SEMA4A: variants seen among roughly 807,000 people sequenced by gnomAD.
SEMA4A encodes semaphorin-4A.
A neutral mutation model predicts 72.5 loss-of-function variants in SEMA4A; 52 were observed. The observed-to-expected ratio is 0.72, with a 90% CI of 0.57 to 0.90. The LOEUF is 0.90. Among genes scored for constraint, SEMA4A ranks in the 40% least tolerant of loss-of-function variants. The pLI is 0.00. For missense variants in SEMA4A, 926 were observed against 959.7 expected (o/e 0.96, Z 0.46); for synonymous variants, 369 against 393.1 (o/e 0.94, Z 0.73).
At chr1:156,176,166 G>C (rs1414365890) in intron 14 of SEMA4A, among the ~76,000 whole-genome samples, 1 of 152,028 alleles carries the variant, frequency 6.6e-6, no homozygotes, top group Non-Finnish European at 1.5e-5. Context: ...TGTAGTCCCA[G>C]CTATTCGGGA....
chr1:156,175,545 T>G lies in SEMA4A; in HGVS notation c.1593-11T>G, dbSNP rs747463476. On this transcript the variant is annotated splice_polypyrimidine_tract_variant and intron_variant, in intron 13 of 14. Transcript: ENST00000368285. The stretch of plus-strand genomic sequence containing the variant: ...TTTGAAGGATAATTTTTACTTTCTC[T>G]GCTCTCTTAGGAACTCCTGGAAGCA... The G allele has an allele frequency of 1.2e-5, 19 of 1,605,684 alleles. No homozygotes were observed. The highest frequency in any genetic ancestry group is 3.4e-5 in the Admixed American group (2 of 59,678).
At chr1:156,172,319 C>T (rs946662613) in intron 10 of SEMA4A, among the ~76,000 whole-genome samples, 56 of 151,254 alleles carry the variant, frequency 3.7e-4, no homozygotes, top group African/African-American at 1.3e-3. Context: ...TTTCACCATG[C>T]TAGCCAGGCT....
In SEMA4A at chr1:156,161,044, C is replaced by CG. The variant is rs750642136; in HGVS notation, c.810+21dup. ...GAGTCTGCAAGGTCCGCGGCCTGGGCGGGGGGCGGGGCTAACTGGAGGAGA... is the reference window on the plus strand; with the variant it reads ...GAGTCTGCAAGGTCCGCGGCCTGGGCGGGGGGGCGGGGCTAACTGGAGGAGA... On this transcript the variant is annotated intron_variant, in intron 8 of 14. Transcript: ENST00000368285. The CG allele has an allele frequency of 1.4e-5, 22 of 1,585,598 alleles. No individual in the cohort carries two copies. In the East Asian group the frequency reaches 2.0e-4, roughly 15 times the overall value.
Position 156,160,902 on chromosome 1 carries a change from C to A in SEMA4A, c.686-3C>A. 1 of 1,613,738 alleles carries A rather than the reference C, an allele frequency of 6.2e-7. No homozygotes were observed. The highest frequency in any genetic ancestry group is 8.5e-7 in the Non-Finnish European group (1 of 1,179,956). ...CCTAAGCCCATCTGCCCCTCCCCCG[C>A]AGATGACGCCTCCTTTGTGGCAGCC... On this transcript the variant is annotated splice_region_variant and splice_polypyrimidine_tract_variant and intron_variant, in intron 7 of 14. Transcript: ENST00000368285.
intron 10 of SEMA4A, among the ~76,000 whole-genome samples, chr1:156,168,517 C>A (rs765882629): frequency 8.5e-5 from 13 of 152,182 alleles, no homozygotes; most frequent in Admixed American, 3.9e-4. Context: ...AGCCACCATG[C>A]CTGGCCTCTC....
upstream of SEMA4A, among the ~76,000 whole-genome samples, chr1:156,148,112 G>T (rs1652241532): frequency 6.6e-6 from 1 of 152,204 alleles, no homozygotes; most frequent in Non-Finnish European, 1.5e-5. Context: ...CAGAAAGGTA[G>T]CTCCTTCCTT....
At position 156,177,030 on chromosome 1, in the gene SEMA4A, C is replaced by T; in HGVS notation, c.*33C>T. 1 of 1,586,532 alleles carries T rather than the reference C, an allele frequency of 6.3e-7. No individual in the cohort carries two copies. ...GCACAGGCCGGGGCTGCGGTGCAGG[C>T]ACCTGGCCATGCTGGCTGGGCGGCC... On this transcript the variant is annotated 3_prime_UTR_variant, in exon 15 of 15. Coordinates refer to ENST00000368285, the MANE Select transcript of SEMA4A (RefSeq NM_022367.4).
rs994246788 is a variant in SEMA4A, at chr1:156,159,063, T to C, written c.568+239T>C. The C allele has an allele frequency of 5.3e-5, 28 of 525,306 alleles. No individual in the cohort carries two copies. The East Asian group carries it at 9.3e-4, about 17-fold the overall frequency. 32.5% of individuals were successfully genotyped at this position (525,306 alleles called of 1,614,324 possible). ...AAAAAAAAAAAGCCTCAGTGCCTCA[T>C]GCCTGTAATCCTAGCAGTCTAGCAG... On this transcript the variant is annotated intron_variant, in intron 6 of 14. Coordinates refer to ENST00000368285, the MANE Select transcript of SEMA4A (RefSeq NM_022367.4).
At chr1:156,148,757 C>A (rs542972181), upstream of SEMA4A, among the ~76,000 whole-genome samples, 70 of 152,096 alleles carry the variant, frequency 4.6e-4, no homozygotes, top group African/African-American at 1.7e-3. Flanking sequence ...TAGTCCCCTG[C>A]CAGCTGACAG....
chr1:156,147,911 T>C (rs1424716804), upstream of SEMA4A, among the ~76,000 whole-genome samples: 2 of 152,196 alleles, frequency 1.3e-5, no homozygotes, highest in Non-Finnish European at 2.9e-5. Context: ...TCCAGCGAGT[T>C]TCTAACTGTG....
Position 156,160,893 on chromosome 1 carries a change from C to G in SEMA4A, c.686-12C>G. ...GGCTCAGTCCCTAAGCCCATCTGCCCCTCCCCCGCAGATGACGCCTCCTTT... is the reference window on the plus strand; with the variant it reads ...GGCTCAGTCCCTAAGCCCATCTGCCGCTCCCCCGCAGATGACGCCTCCTTT... On this transcript the variant is annotated splice_polypyrimidine_tract_variant and intron_variant, in intron 7 of 14. Coordinates refer to ENST00000368285, the MANE Select transcript of SEMA4A (RefSeq NM_022367.4). 1 of 1,613,576 alleles carries G rather than the reference C, an allele frequency of 6.2e-7. No individual in the cohort carries two copies. The highest frequency in any genetic ancestry group is 8.5e-7 in the Non-Finnish European group (1 of 1,179,920).
rs780237421 is a variant in SEMA4A at position 156,174,881 on chromosome 1, G to A, written c.1375G>A (p.Glu459Lys). The stretch of plus-strand genomic sequence containing the variant: ...GGACAGCAGTGCTCATCTGGTGGAA[G>A]AGATTCAGCTGTTCCCTGACCCTGA... The part of the protein sequence containing the change: ...SGDSSAHLVE[E>K]IQLFPDPEPV... The change falls in exon 12 of 15, where the codon GAG (glutamate) becomes AAG (lysine). Residue 459 changes from glutamate to lysine, a missense_variant. Physicochemically the swap from Glu to Lys is moderately conservative, Grantham distance 56. Coordinates refer to ENST00000368285, the MANE Select transcript of SEMA4A (RefSeq NM_022367.4). The A allele has an allele frequency of 1.2e-6, 2 of 1,614,208 alleles. No individual in the cohort carries two copies. Among genetic ancestry groups the A allele is most frequent in the Non-Finnish European group, 1.7e-6 (2 of 1,180,014 alleles).
intron 3 of SEMA4A, 69 bp downstream of exon 3, chr1:156,156,643 G>T: frequency 6.6e-7 from 1 of 1,516,322 alleles, no homozygotes; most frequent in Non-Finnish European, 9.1e-7. Flanking sequence ...CCTGGGCTTG[G>T]CTGCCTGTGC....
intron 10 of SEMA4A, among the ~76,000 whole-genome samples, chr1:156,165,555 G>A (rs1221008908): frequency 6.6e-6 from 1 of 152,108 alleles, no homozygotes; most frequent in Admixed American, 6.6e-5. Context: ...TGAAGGCCTT[G>A]CTCTATTATC....
Position 156,165,079 on chromosome 1 carries a change from G to C in SEMA4A, c.1134+1985G>C, listed in dbSNP as rs139981288. Among the ~76,000 whole-genome samples, 103 of 152,230 alleles carry C rather than the reference G, an allele frequency of 6.8e-4. 1 individual carries two copies. The highest frequency in any genetic ancestry group is 8.8e-4 in the Non-Finnish European group (60 of 68,000). The stretch of plus-strand genomic sequence containing the variant: ...ACCTCCCAAAGCGCTAGGATTACAG[G>C]CATGAGGCACTGTGCCTGGTCTAAG... On this transcript the variant is annotated intron_variant, in intron 10 of 14. Coordinates refer to ENST00000368285, the MANE Select transcript of SEMA4A (RefSeq NM_022367.4).
chr1:156,175,315 C>T, intron 13 of SEMA4A, 72 bp downstream of exon 13: 2 of 1,509,480 alleles, frequency 1.3e-6, no homozygotes, highest in East Asian at 2.3e-5. Flanking sequence ...TGCTACTGTT[C>T]TTCCTCTCTC....
rs762080029 is a variant in SEMA4A, at chr1:156,174,908, C to T, written c.1402C>T (p.Pro468Ser). ...GATTCAGCTGTTCCCTGACCCTGAA[C>T]CTGTTCGCAACCTGCAGCTGGCCCC... ...EEIQLFPDPE[P>S]VRNLQLAPTQ... The change falls in exon 12 of 15, where the codon CCT becomes TCT. Residue 468 changes from proline (P) to serine (S), a missense_variant. Pro to Ser is a moderately conservative substitution (Grantham distance 74). Transcript: ENST00000368285. 3.1e-6 allele frequency: 5 copies of T among 1,614,208 alleles called. No individual in the cohort carries two copies. Among genetic ancestry groups the T allele is most frequent in the South Asian group, 1.1e-5 (1 of 91,086 alleles).
Position 156,161,338 on chromosome 1 carries a change from G to T in SEMA4A, c.811-8G>T. 1 of 1,247,452 alleles carries T rather than the reference G, an allele frequency of 8.0e-7. No homozygotes were observed. Among genetic ancestry groups the T allele is most frequent in the Non-Finnish European group, 1.1e-6 (1 of 912,156 alleles). 77.3% of individuals were successfully genotyped at this position (1,247,452 alleles called of 1,614,324 possible). A position where few individuals can be genotyped will look rare whatever the true frequency, so the allele number is the denominator to read the frequency against. On this transcript the variant is annotated splice_polypyrimidine_tract_variant and splice_region_variant and intron_variant, in intron 8 of 14. Coordinates refer to ENST00000368285, the MANE Select transcript of SEMA4A (RefSeq NM_022367.4). ...CGGGGCGCCCCCTGACTCCCCCTGTGCCCCCAGAATGACGTGGGCGGCGAA... is the reference window on the plus strand; with the variant it reads ...CGGGGCGCCCCCTGACTCCCCCTGTTCCCCCAGAATGACGTGGGCGGCGAA...
At position 156,157,721 on chromosome 1, in the gene SEMA4A, A is replaced by T. The variant is rs1653172849; in HGVS notation, c.301-349A>T. Among the ~76,000 whole-genome samples the T allele has an allele frequency of 6.6e-6, 1 of 152,214 alleles. No homozygotes were observed. Among genetic ancestry groups the T allele is most frequent in the Non-Finnish European group, 1.5e-5 (1 of 68,028 alleles). ...AATGTGCGGTTTGACAACTGCTGCC[A>T]TATATACCATTCATCGTGTTAGGTG... On this transcript the variant is annotated intron_variant, in intron 3 of 14. Transcript: ENST00000368285. The surrounding 1 kb of genome is among the most constrained non-coding windows in gnomAD (Gnocchi z 4.5).
Sources: allele counts gnomAD v4.1 joint callset (sites outside exome capture counted in the v4.1 genomes callset), GRCh38; gene constraint gnomAD v4.1.1; non-coding constraint Gnocchi (gnomAD v3.1); transcripts MANE v1.5; gene names NCBI Gene and HGNC (gene_info 2026-07-23, HGNC 2026-07-21).